NRCAM: variants seen among roughly 807,000 people sequenced by gnomAD.
The protein encoded by NRCAM is NgCAM-related cell adhesion molecule.
A neutral mutation model predicts 156.5 loss-of-function variants in NRCAM; 83 were observed. The ratio of observed to expected loss-of-function variants is 0.53; its 90% confidence interval spans 0.44 to 0.64. The LOEUF (loss-of-function observed/expected upper bound fraction) is 0.64. NRCAM is among the 30% of genes least tolerant of loss of function. The pLI is 0.00. For synonymous variants in NRCAM, 538 were observed against 563.9 expected (o/e 0.95, Z 0.65); for missense variants, 1,417 against 1,597.3 (o/e 0.89, Z 1.92).
intron 2 of NRCAM, among the ~76,000 whole-genome samples, chr7:108,370,310 T>A (rs2099620143): frequency 6.6e-6 from 1 of 152,098 alleles, no homozygotes; most frequent in Admixed American, 6.6e-5. Context: ...TTCTTGTATA[T>A]TTGGAGGGCT....
intron 3 of NRCAM, among the ~76,000 whole-genome samples, chr7:108,305,595 C>G (rs1159231147): frequency 6.6e-6 from 1 of 152,160 alleles, no homozygotes; most frequent in Non-Finnish European, 1.5e-5. Flanking sequence ...CTTTCATAAC[C>G]TGTTCCTCCT....
At chr7:108,417,833 G>A (rs372939624) in intron 1 of NRCAM, among the ~76,000 whole-genome samples, 1 of 151,992 alleles carries the variant, frequency 6.6e-6, no homozygotes, top group Non-Finnish European at 1.5e-5. Context: ...TACCACTCAC[G>A]GACAGTCACT....
At position 108,450,704 on chromosome 7, in the gene NRCAM, A is replaced by G. The variant is rs376020737; in HGVS notation, c.-332+5539T>C. On this transcript the variant is annotated intron_variant, in intron 1 of 32. Transcript: ENST00000379028. Reference sequence around the variant, plus strand: ...CATAGGTACTTTAATTCAACATTTTAGAAAAATACCATGAATGTATGCCAT... The same window carrying G: ...CATAGGTACTTTAATTCAACATTTTGGAAAAATACCATGAATGTATGCCAT... Among the ~76,000 whole-genome samples the G allele has an allele frequency of 9.2e-5, 14 of 152,338 alleles. No homozygotes were observed. The East Asian group carries it at 2.1e-3, about 23-fold the overall frequency.
chr7:108,327,238 T>G (rs2099078904), intron 2 of NRCAM, among the ~76,000 whole-genome samples: 1 of 152,186 alleles, frequency 6.6e-6, no homozygotes, highest in African/African-American at 2.4e-5. Flanking sequence ...CTGCTCAGTC[T>G]AGTCTCTCTA....
chr7:108,380,312 C>A (rs1354079769), intron 2 of NRCAM, among the ~76,000 whole-genome samples: 1 of 152,058 alleles, frequency 6.6e-6, no homozygotes, highest in Non-Finnish European at 1.5e-5. Context: ...CTATTATTTT[C>A]TATTATTTTA....
intron 1 of NRCAM, among the ~76,000 whole-genome samples, chr7:108,420,240 T>C (rs1807584800): frequency 6.6e-6 from 1 of 152,108 alleles, no homozygotes; most frequent in Admixed American, 6.6e-5. Flanking sequence ...ATCTCTTTAG[T>C]AGATATTACT....
At chr7:108,226,874 C>T (rs1320491054) in intron 8 of NRCAM, among the ~76,000 whole-genome samples, 1 of 152,160 alleles carries the variant, frequency 6.6e-6, no homozygotes, top group African/African-American at 2.4e-5. Flanking sequence ...ATGCCAGAGT[C>T]CCAGCCCTGT....
chr7:108,286,759 G>A lies in NRCAM; in HGVS notation c.-107+25906C>T, dbSNP rs143758332. Among the ~76,000 whole-genome samples, 95 of 152,206 alleles carry A rather than the reference G, an allele frequency of 6.2e-4. No homozygotes were observed. The South Asian group carries it at 6.6e-3, about 11-fold the overall frequency. On this transcript the variant is annotated intron_variant, in intron 3 of 32. Transcript: ENST00000379028. Reference sequence around the variant, plus strand: ...TAGAAGAACCATAATTCAAAGCCACGTCTGTGTTACTCCATAGCCCACAGT... The same window carrying A: ...TAGAAGAACCATAATTCAAAGCCACATCTGTGTTACTCCATAGCCCACAGT...
chr7:108,428,229 T>C (rs768591548), intron 1 of NRCAM, among the ~76,000 whole-genome samples: 26 of 152,276 alleles, frequency 1.7e-4, no homozygotes, highest in Admixed American at 1.1e-3. Flanking sequence ...TTCTACACAC[T>C]GTTGAGAAAA....
intron 2 of NRCAM, chr7:108,328,652 C>T (rs2099095432): frequency 6.6e-6 from 1 of 152,160 alleles, no homozygotes; most frequent in African/African-American, 2.4e-5. Context: ...TGTGGCAATA[C>T]AATGGGAGTT....
intron 13 of NRCAM, among the ~76,000 whole-genome samples, chr7:108,206,678 GCAA>G (rs896319019): frequency 5.3e-5 from 8 of 152,164 alleles, no homozygotes; most frequent in Non-Finnish European, 5.9e-5. Flanking sequence ...GCAGTGAGGT[GCAA>G]CATCCATTTA....
At chr7:108,197,928 C>T (rs760454573) in intron 14 of NRCAM, 28 bp downstream of exon 14, 3 of 1,516,620 alleles carry the variant, frequency 2.0e-6, no homozygotes, top group Non-Finnish European at 2.6e-6. Context: ...ATTTAATTTG[C>T]CATGTCTTTA....
chr7:108,191,142 C>T, intron 19 of NRCAM, 112 bp downstream of exon 19: 1 of 837,390 alleles, frequency 1.2e-6, no homozygotes, highest in Non-Finnish European at 1.8e-6. Context: ...TGACAGAGAC[C>T]TTTTCCTTAA....
intron 32 of NRCAM, among the ~76,000 whole-genome samples, chr7:108,155,179 G>C (rs1332184028): frequency 6.7e-6 from 1 of 149,988 alleles, no homozygotes; most frequent in East Asian, 2.0e-4. Flanking sequence ...AGTTTTAATG[G>C]AGTAGGCAGC....
intron 1 of NRCAM, among the ~76,000 whole-genome samples, chr7:108,440,526 C>G (rs1450294197): frequency 6.6e-6 from 1 of 152,124 alleles, no homozygotes; most frequent in Non-Finnish European, 1.5e-5. Flanking sequence ...CAGCAGTCAA[C>G]TTTTCCATTA....
rs754455218 is a variant in NRCAM at position 108,231,162 on chromosome 7, T to C, written c.428-9A>G. 3.8e-6 allele frequency: 6 copies of C among 1,561,284 alleles called. No individual in the cohort carries two copies. The highest frequency in any genetic ancestry group is 1.7e-4 in the Middle Eastern group (1 of 5,944). On this transcript the variant is annotated splice_polypyrimidine_tract_variant and intron_variant, in intron 7 of 32. Coordinates refer to ENST00000379028, the MANE Select transcript of NRCAM (RefSeq NM_001037132.4). Reference sequence around the variant, plus strand: ...GGTCCACAATGGTGATCCTATTAAATAAAAAAATAACTTCTCAGTTATTTC... The same window carrying C: ...GGTCCACAATGGTGATCCTATTAAACAAAAAAATAACTTCTCAGTTATTTC...
chr7:108,381,803 C>T (rs563522727), intron 2 of NRCAM, among the ~76,000 whole-genome samples: 7 of 152,126 alleles, frequency 4.6e-5, no homozygotes, highest in South Asian at 2.1e-4. Context: ...TCAGGTGATC[C>T]GCCTGCCTCA....
At chr7:108,239,424 A>G (rs1409704184) in intron 4 of NRCAM, among the ~76,000 whole-genome samples, 1 of 152,176 alleles carries the variant, frequency 6.6e-6, no homozygotes, top group Admixed American at 6.5e-5. Context: ...AAAATTGGAA[A>G]GTGAGATGCG....
At chr7:108,376,640 A>G (rs1241667243) in intron 2 of NRCAM, among the ~76,000 whole-genome samples, 3 of 151,954 alleles carry the variant, frequency 2.0e-5, no homozygotes, top group Non-Finnish European at 2.9e-5. Flanking sequence ...CTCTTTTCCT[A>G]TTTTCCTTTT....
Sources: gnomAD v4.1 joint callset for allele counts (sites outside exome capture counted in the v4.1 genomes callset) on GRCh38, gnomAD v4.1.1 for gene constraint, MANE v1.5 for transcripts, NCBI Gene and HGNC (gene_info 2026-07-23, HGNC 2026-07-21) for gene names.